Variants in RNGTT observed in about 807,000 individuals in gnomAD.
RNGTT encodes the protein mRNA-capping enzyme.
In RNGTT, 33 loss-of-function variants were observed where a neutral mutation model predicts 79.3. The ratio of observed to expected loss-of-function variants is 0.42; its 90% confidence interval spans 0.32 to 0.56. The LOEUF is 0.56. Ranked by LOEUF, RNGTT falls within the 20% of genes least tolerant of loss-of-function variation. The probability of loss-of-function intolerance (pLI) is 0.17; values close to 1 mark genes in which losing one functional copy is unlikely to be tolerated. For synonymous variants in RNGTT, 222 were observed against 235.9 expected, an observed-to-expected ratio of 0.94 and a Z score of 0.54; for missense variants, 497 against 739.1, an observed-to-expected ratio of 0.67 and a Z score of 3.80.
chr6:88,711,588 G>C (rs557976146), intron 13 of RNGTT, among the ~76,000 whole-genome samples: 2 of 152,126 alleles, frequency 1.3e-5, no homozygotes, highest in African/African-American at 4.8e-5. Context: ...ATGTACTTTG[G>C]ATAATATTAA....
rs553328211 is a variant in RNGTT at position 88,656,019 on chromosome 6, A to T, written c.1506+22334T>A. Among the ~76,000 whole-genome samples, 4 of 152,332 alleles carry T rather than the reference A, an allele frequency of 2.6e-5. No homozygotes were observed. The East Asian group carries it at 7.7e-4, about 29-fold the overall frequency. Reference sequence around the variant, plus strand: ...AACTGGTGTAAAATGTAAACTATTAAACTAGAACATATCTACAAAAATAAG... The same window carrying T: ...AACTGGTGTAAAATGTAAACTATTATACTAGAACATATCTACAAAAATAAG... On this transcript the variant is annotated intron_variant, in intron 14 of 15. Transcript: ENST00000369485.
chr6:88,847,644 G>A (rs952596446), intron 10 of RNGTT, among the ~76,000 whole-genome samples: 2 of 151,842 alleles, frequency 1.3e-5, no homozygotes, highest in African/African-American at 4.8e-5. Context: ...AATATGTATT[G>A]AATAAACAAT....
At chr6:88,773,906 T>C (rs981954192) in intron 12 of RNGTT, among the ~76,000 whole-genome samples, 2 of 152,182 alleles carry the variant, frequency 1.3e-5, no homozygotes, top group Non-Finnish European at 2.9e-5. Flanking sequence ...TGGCAGTAGA[T>C]TTTTAGTTTT....
At chr6:88,661,701 A>G (rs1027816495) in intron 14 of RNGTT, among the ~76,000 whole-genome samples, 8 of 152,210 alleles carry the variant, frequency 5.3e-5, no homozygotes, top group African/African-American at 1.9e-4. Context: ...CAACAAAAAA[A>G]GTCCAGGACC....
At chr6:88,836,027 T>C (rs879679843) in intron 11 of RNGTT, among the ~76,000 whole-genome samples, 82 of 117,348 alleles carry the variant, frequency 7.0e-4, no homozygotes, top group Middle Eastern at 4.3e-3. Context: ...CACACACATA[T>C]ATATATAAGA....
intron 4 of RNGTT, among the ~76,000 whole-genome samples, chr6:88,911,865 G>C (rs1783838190): frequency 6.6e-6 from 1 of 152,010 alleles, no homozygotes; most frequent in Non-Finnish European, 1.5e-5. Flanking sequence ...CCAAGCAGAT[G>C]GCTTGAGGTC....
At chr6:88,753,583 A>T (rs1777910285) in intron 13 of RNGTT, among the ~76,000 whole-genome samples, 1 of 152,096 alleles carries the variant, frequency 6.6e-6, no homozygotes, top group African/African-American at 2.4e-5. Context: ...GTATGAAATG[A>T]CTGTCAATAC....
In RNGTT at chr6:88,806,233, A is replaced by G. The variant is rs138128357; in HGVS notation, c.1270-4601T>C. On this transcript the variant is annotated intron_variant, in intron 11 of 15. Transcript: ENST00000369485. Reference sequence around the variant, plus strand: ...ACAGAAGCAGACAAAGAGAGGGTCTATATTTTGGAATTATCAAAGACTTTA... The same window carrying G: ...ACAGAAGCAGACAAAGAGAGGGTCTGTATTTTGGAATTATCAAAGACTTTA... Among the ~76,000 whole-genome samples the G allele has an allele frequency of 6.4e-3, 980 of 152,280 alleles. 5 individuals carry two copies. The highest frequency in any genetic ancestry group is 0.017 in the Middle Eastern group (5 of 294).
intron 13 of RNGTT, among the ~76,000 whole-genome samples, chr6:88,704,865 A>G (rs1414406578): frequency 6.7e-6 from 1 of 148,708 alleles, no homozygotes; most frequent in African/African-American, 2.5e-5. Context: ...TGAGTCATCC[A>G]TTAATTGATC....
intron 8 of RNGTT, among the ~76,000 whole-genome samples, chr6:88,872,846 C>G (rs549845618): frequency 4.6e-5 from 7 of 151,980 alleles, no homozygotes; most frequent in Non-Finnish European, 8.8e-5. Context: ...GATGGAGGTG[C>G]CTATTTTACA....
chr6:88,659,689 C>T (rs1271474337), intron 14 of RNGTT, among the ~76,000 whole-genome samples: 4 of 151,666 alleles, frequency 2.6e-5, no homozygotes, highest in African/African-American at 9.7e-5. Flanking sequence ...ACTGGTGTTC[C>T]TGAGGAAGAA....
intron 10 of RNGTT, among the ~76,000 whole-genome samples, chr6:88,848,112 T>C (rs1207346700): frequency 1.3e-5 from 2 of 151,112 alleles, no homozygotes; most frequent in Admixed American, 1.3e-4. Context: ...ATAAGAAATA[T>C]GTTAAACCTT....
intron 4 of RNGTT, among the ~76,000 whole-genome samples, chr6:88,926,150 T>C (rs890308534): frequency 6.6e-6 from 1 of 152,362 alleles, no homozygotes; most frequent in Non-Finnish European, 1.5e-5. Flanking sequence ...AAATATTTAA[T>C]ACACCTAAAA....
chr6:88,851,462 T>C (rs1781670818), intron 9 of RNGTT, among the ~76,000 whole-genome samples: 1 of 151,996 alleles, frequency 6.6e-6, no homozygotes, highest in South Asian at 2.1e-4. Context: ...AAAAAATTAA[T>C]AGTTGAAAAA....
At chr6:88,767,678 CAAAAAAAAAAAAAAA>C (rs58712575) in intron 13 of RNGTT, among the ~76,000 whole-genome samples, 575 of 83,528 alleles carry the variant, frequency 6.9e-3, no homozygotes, top group Middle Eastern at 0.013. Flanking sequence ...TCACTTGTGT[CAAAAAAAAAAAAAAA>C]AAAAAAAAAA....
At chr6:88,678,724 T>A (rs1055579177) in intron 13 of RNGTT, among the ~76,000 whole-genome samples, 8 of 152,156 alleles carry the variant, frequency 5.3e-5, no homozygotes, top group Non-Finnish European at 1.2e-4. Context: ...TCCAAGGTTG[T>A]AGTGTGCTAT....
chr6:88,856,437 C>T (rs933840813), intron 8 of RNGTT, among the ~76,000 whole-genome samples: 6 of 151,682 alleles, frequency 4.0e-5, no homozygotes, highest in African/African-American at 4.9e-5. Context: ...CACACACACA[C>T]ATCTTAGTAT....
intron 13 of RNGTT, among the ~76,000 whole-genome samples, chr6:88,750,478 C>T (rs9451071): frequency 1.3e-5 from 2 of 152,084 alleles, no homozygotes; most frequent in Admixed American, 1.3e-4. Context: ...CAAAGATGGT[C>T]CACAGGTTTC....
chr6:88,901,788 C>A (rs531459739), intron 6 of RNGTT, among the ~76,000 whole-genome samples: 2 of 152,108 alleles, frequency 1.3e-5, no homozygotes, highest in Admixed American at 1.3e-4. Flanking sequence ...TGAGCCACTG[C>A]GCCCAGCTAA....
Sources: allele counts gnomAD v4.1 joint callset (sites outside exome capture counted in the v4.1 genomes callset), GRCh38; gene constraint gnomAD v4.1.1; transcripts MANE v1.5; gene names NCBI Gene and HGNC (gene_info 2026-07-23, HGNC 2026-07-21).